LRBA: variants seen among roughly 807,000 people sequenced by gnomAD.
LRBA encodes the protein lipopolysaccharide-responsive and beige-like anchor protein.
In LRBA, 176 loss-of-function variants were observed where a neutral mutation model predicts 330.0. That is an observed-to-expected ratio of 0.53 (90% CI 0.47 to 0.60). The LOEUF (loss-of-function observed/expected upper bound fraction) is 0.60. Ranked by LOEUF, LRBA falls within the 20% of genes least tolerant of loss-of-function variation. The pLI, the probability that LRBA is intolerant of heterozygous loss-of-function variation, is 0.00. For synonymous variants in LRBA, 1,230 were observed against 1,193.0 expected (o/e 1.03, Z -0.64); for missense variants, 3,259 against 3,444.8 (o/e 0.95, Z 1.35).
At chr4:150,339,474 A>G (rs1379674817) in intron 48 of LRBA, among the ~76,000 whole-genome samples, 2 of 152,172 alleles carry the variant, frequency 1.3e-5, no homozygotes, top group Non-Finnish European at 2.9e-5. Context: ...ATTTTCAAGA[A>G]GCAGATTCTT....
At chr4:150,631,000 A>G (rs1314657103) in intron 37 of LRBA, among the ~76,000 whole-genome samples, 2 of 152,120 alleles carry the variant, frequency 1.3e-5, no homozygotes, top group African/African-American at 2.4e-5. Context: ...GTACAAACAT[A>G]ATGTCTGTAA....
intron 40 of LRBA, among the ~76,000 whole-genome samples, chr4:150,527,839 G>C (rs983333679): frequency 6.6e-6 from 1 of 152,102 alleles, no homozygotes; most frequent in Non-Finnish European, 1.5e-5. Context: ...TGTTCTCCAG[G>C]GACAACTGAG....
intron 30 of LRBA, among the ~76,000 whole-genome samples, chr4:150,821,843 A>G (rs1040809390): frequency 1.1e-4 from 17 of 151,960 alleles, no homozygotes; most frequent in Non-Finnish European, 2.4e-4. Context: ...GAACACAAAC[A>G]CCTTTGCATT....
In LRBA at chr4:150,470,669, T is replaced by A. The variant is rs976299338; in HGVS notation, c.6667+955A>T. Among the ~76,000 whole-genome samples the A allele has an allele frequency of 3.3e-5, 5 of 152,126 alleles. No individual in the cohort carries two copies. The East Asian group carries it at 9.6e-4, about 29-fold the overall frequency. On this transcript the variant is annotated intron_variant, in intron 43 of 56. Transcript: ENST00000651943. ...TCTTTTTCCATTAATTGCACCACCA[T>A]TTTCCCACTAACGCAGGCCAGAAGC...
chr4:150,280,776 C>T (rs1288523990), intron 55 of LRBA, among the ~76,000 whole-genome samples: 1 of 152,186 alleles, frequency 6.6e-6, no homozygotes, highest in Non-Finnish European at 1.5e-5. Flanking sequence ...GTCTTGGATT[C>T]CCAGCCTGTG....
At chr4:150,796,948 T>C (rs112279159) in intron 34 of LRBA, among the ~76,000 whole-genome samples, 2 of 152,040 alleles carry the variant, frequency 1.3e-5, no homozygotes, top group African/African-American at 4.8e-5. Flanking sequence ...TTTGAAGAAA[T>C]GGAGTTTTCT....
chr4:150,303,091 ATGT>A lies in LRBA; in HGVS notation c.7850-302_7850-300del, dbSNP rs540714040. ...GGCTTCTATAAATTACAAATGAATC[ATGT>A]TTACTGATTAAAGCAGGCCCAGGAG... On this transcript the variant is annotated intron_variant, in intron 52 of 56. Coordinates refer to ENST00000651943, the MANE Select transcript of LRBA (RefSeq NM_001364905.1). Among the ~76,000 whole-genome samples the A allele has an allele frequency of 1.3e-4, 20 of 152,334 alleles. 1 individual carries two copies. The South Asian group carries it at 4.1e-3, about 32-fold the overall frequency.
intron 51 of LRBA, among the ~76,000 whole-genome samples, chr4:150,314,312 T>G (rs1039388006): frequency 6.6e-6 from 1 of 152,110 alleles, no homozygotes; most frequent in African/African-American, 2.4e-5. Context: ...TCATATCTAC[T>G]CAAAACAAAA....
In LRBA at chr4:150,446,415, C is replaced by T. The variant is rs558677836; in HGVS notation, c.6781-9551G>A. ...TTCCATAAGTGCAACAGAAGACACT[C>T]TAATAATTCTCATGACTTAAGAATA... On this transcript the variant is annotated intron_variant, in intron 44 of 56. Coordinates refer to ENST00000651943, the MANE Select transcript of LRBA (RefSeq NM_001364905.1). Among the ~76,000 whole-genome samples the T allele has an allele frequency of 4.6e-5, 7 of 152,282 alleles. No individual in the cohort carries two copies. The South Asian group carries it at 1.5e-3, about 32-fold the overall frequency.
chr4:150,605,884 C>G (rs1035651393), intron 37 of LRBA, among the ~76,000 whole-genome samples: 2 of 152,082 alleles, frequency 1.3e-5, no homozygotes, highest in African/African-American at 4.8e-5. Context: ...ATGAAAAGGA[C>G]AAACAAAAAC....
intron 2 of LRBA, among the ~76,000 whole-genome samples, chr4:150,993,028 T>C (rs1369307679): frequency 1.3e-5 from 2 of 152,052 alleles, no homozygotes; most frequent in Non-Finnish European, 2.9e-5. Context: ...ACACCTATAA[T>C]CCACGCACTT....
chr4:150,604,132 G>T (rs1450630550), intron 37 of LRBA, among the ~76,000 whole-genome samples: 1 of 151,906 alleles, frequency 6.6e-6, no homozygotes, highest in Non-Finnish European at 1.5e-5. Context: ...TTTTAGGCTG[G>T]GCACTGTGGC....
At chr4:150,355,965 A>T (rs1737788567) in intron 47 of LRBA, among the ~76,000 whole-genome samples, 1 of 152,106 alleles carries the variant, frequency 6.6e-6, no homozygotes, top group African/African-American at 2.4e-5. Context: ...ACAGAGATTT[A>T]AAATGAACTG....
At chr4:150,858,014 G>C (rs1161989564) in intron 22 of LRBA, among the ~76,000 whole-genome samples, 1 of 152,124 alleles carries the variant, frequency 6.6e-6, no homozygotes. Context: ...GTATAGAAGA[G>C]AAGACTAAAA....
rs572802787 is a variant in LRBA at position 150,613,514 on chromosome 4, C to T, written c.5922-14383G>A. ...TTAAATGTTTCCAGAATTTTTGGAG[C>T]GGCATAAAGCAAGAAGTGCCCAAAC... On this transcript the variant is annotated intron_variant, in intron 37 of 56. Coordinates refer to ENST00000651943, the MANE Select transcript of LRBA (RefSeq NM_001364905.1). 5.9e-5 allele frequency among the ~76,000 whole-genome samples: 9 copies of T among 152,230 alleles called. No individual in the cohort carries two copies. The East Asian group carries it at 1.4e-3, about 23-fold the overall frequency.
At chr4:150,679,364 A>G (rs1782850980) in intron 37 of LRBA, among the ~76,000 whole-genome samples, 2 of 152,232 alleles carry the variant, frequency 1.3e-5, no homozygotes, top group Admixed American at 6.5e-5. Context: ...TAATGCTAAT[A>G]TTGATAGTTT....
intron 37 of LRBA, among the ~76,000 whole-genome samples, chr4:150,631,691 G>C (rs1360411006): frequency 6.6e-6 from 1 of 152,156 alleles, no homozygotes; most frequent in Admixed American, 6.5e-5. Context: ...GGATATGAAA[G>C]AGAGGAGACT....
At chr4:150,301,664 TATG>T (rs1344625021) in intron 53 of LRBA, among the ~76,000 whole-genome samples, 1 of 152,088 alleles carries the variant, frequency 6.6e-6, no homozygotes, top group Non-Finnish European at 1.5e-5. Context: ...CAATCCAAGA[TATG>T]ATGGACTTAA....
Position 150,870,520 on chromosome 4 carries a change from C to T in LRBA, c.2449+5G>A. ...AGTTTTTGTTAAAGTATATAAAATA[C>T]ATACGAGGGTTTTGTATCTTCACTG... On this transcript the variant is annotated splice_donor_5th_base_variant and intron_variant, in intron 20 of 56. Transcript: ENST00000651943. 6.6e-7 allele frequency: 1 copy of T among 1,519,098 alleles called. No individual in the cohort carries two copies. 94.1% of individuals were successfully genotyped at this position (1,519,098 alleles called of 1,614,324 possible).
Sources: allele counts gnomAD v4.1 joint callset (sites outside exome capture counted in the v4.1 genomes callset), GRCh38; gene constraint gnomAD v4.1.1; transcripts MANE v1.5; gene names NCBI Gene and HGNC (gene_info 2026-07-23, HGNC 2026-07-21).